The following MAF variants were observed in gnomAD, a reference collection of about 807,000 sequenced individuals.
The protein encoded by MAF is MAF bZIP transcription factor, also known as transcription factor Maf.
In MAF, 10 loss-of-function variants were observed where a neutral mutation model predicts 22.0. The ratio of observed to expected loss-of-function variants is 0.45; its 90% CI spans 0.28 to 0.77. The LOEUF is 0.77. Ranked by LOEUF, MAF falls within the 30% of genes least tolerant of loss-of-function variation. The pLI, the probability that MAF is intolerant of heterozygous loss-of-function variation, is 0.12. For missense variants in MAF, 544 were observed against 548.4 expected (o/e 0.99, Z 0.08); for synonymous variants, 337 against 255.8 (o/e 1.32, Z -3.03).
the MAF span, among the ~76,000 whole-genome samples, chr16:79,286,553 T>A: frequency 6.6e-6 from 1 of 152,244 alleles, no homozygotes; most frequent in Non-Finnish European, 1.5e-5. Context: ...CACGTGTATA[T>A]GTGCATGCAC....
At chr16:79,461,526 T>C in the MAF span, among the ~76,000 whole-genome samples, 1 of 152,068 alleles carries the variant, frequency 6.6e-6, no homozygotes, top group Non-Finnish European at 1.5e-5. Flanking sequence ...CCAAAAAGGC[T>C]CTTTGTCATC....
chr16:79,485,129 A>G, the MAF span, among the ~76,000 whole-genome samples: 13,379 of 152,270 alleles, frequency 0.088, 588 homozygotes, highest in East Asian at 0.17. Flanking sequence ...ACCAGATAAA[A>G]GCCAGTTTCC....
At chr16:79,492,411 A>T in the MAF span, among the ~76,000 whole-genome samples, 1 of 151,924 alleles carries the variant, frequency 6.6e-6, no homozygotes, top group South Asian at 2.1e-4. Flanking sequence ...ACCGGATCTG[A>T]CCCTGTATTT....
the MAF span, among the ~76,000 whole-genome samples, chr16:79,414,154 T>C: frequency 1.3e-3 from 196 of 152,336 alleles, no homozygotes; most frequent in African/African-American, 4.6e-3. Flanking sequence ...GCTCTTGTTC[T>C]TTGCCAGACA....
the MAF span, among the ~76,000 whole-genome samples, chr16:79,534,459 C>T: frequency 6.6e-6 from 1 of 152,130 alleles, no homozygotes; most frequent in South Asian, 2.1e-4. Flanking sequence ...TAAGCACTCA[C>T]ATACAGGTGA....
At chr16:79,372,934 GC>G in the MAF span, among the ~76,000 whole-genome samples, 1 of 152,072 alleles carries the variant, frequency 6.6e-6, no homozygotes, top group South Asian at 2.1e-4. Flanking sequence ...CCCTCTTAAT[GC>G]CCTTTGTTAT....
the MAF span, among the ~76,000 whole-genome samples, chr16:79,393,821 T>G: frequency 1.3e-5 from 2 of 152,174 alleles, no homozygotes; most frequent in African/African-American, 2.4e-5. Context: ...AGCTGATGAA[T>G]GCTGGGCCAA....
chr16:79,572,542 C>T, the MAF span, among the ~76,000 whole-genome samples: 3 of 152,206 alleles, frequency 2.0e-5, no homozygotes, highest in Non-Finnish European at 4.4e-5. Context: ...GGAGGAGGGG[C>T]TACCTGGACG....
chr16:79,466,849 C>T, the MAF span, among the ~76,000 whole-genome samples: 2 of 152,168 alleles, frequency 1.3e-5, no homozygotes, highest in Non-Finnish European at 2.9e-5. Flanking sequence ...CCCGCGACAC[C>T]AAAGTGATAG....
chr16:79,226,039 A>T, the MAF span, among the ~76,000 whole-genome samples: 3 of 152,208 alleles, frequency 2.0e-5, no homozygotes, highest in Non-Finnish European at 4.4e-5. Context: ...GTATATACCC[A>T]AAGGATTATA....
the MAF span, among the ~76,000 whole-genome samples, chr16:79,508,830 G>A: frequency 6.6e-6 from 1 of 152,294 alleles, no homozygotes; most frequent in East Asian, 1.9e-4. Flanking sequence ...CATAGAGACA[G>A]ACAGTAGATT....
chr16:79,514,353 T>A, the MAF span, among the ~76,000 whole-genome samples: 114,400 of 152,148 alleles, frequency 0.75, 45,428 homozygotes, highest in East Asian at 0.92. Context: ...GGGGGAGTGG[T>A]TTACAGGTAT....
At chr16:79,535,695 T>A in the MAF span, among the ~76,000 whole-genome samples, 13 of 150,972 alleles carry the variant, frequency 8.6e-5, no homozygotes, top group Admixed American at 5.3e-4. Flanking sequence ...TTCAAGCAGT[T>A]CTCCTGAGTA....
the MAF span, among the ~76,000 whole-genome samples, chr16:79,438,068 G>A: frequency 5.3e-5 from 8 of 152,158 alleles, no homozygotes; most frequent in Non-Finnish European, 1.2e-4. Flanking sequence ...TCTTAGAGAC[G>A]CCAGGTCTGA....
chr16:79,233,053 G>C, the MAF span, among the ~76,000 whole-genome samples: 2 of 151,744 alleles, frequency 1.3e-5, no homozygotes, highest in African/African-American at 4.8e-5. Context: ...TGTTAGCCAG[G>C]ATGGTCTCGA....
At chr16:79,559,544 T>C in the MAF span, among the ~76,000 whole-genome samples, 6 of 152,266 alleles carry the variant, frequency 3.9e-5, no homozygotes, top group African/African-American at 9.6e-5. Flanking sequence ...TATTAGGTGA[T>C]TGAAAAGCTT....
the MAF span, among the ~76,000 whole-genome samples, chr16:79,402,527 G>C: frequency 6.6e-6 from 1 of 152,244 alleles, no homozygotes; most frequent in Non-Finnish European, 1.5e-5. Context: ...GGGTGTGACG[G>C]GGGAGAGGTG....
In MAF at chr16:79,599,404, C is replaced by T. The variant is rs2143810370; in HGVS notation, c.499G>A (p.Val167Met). Reference sequence around the variant, plus strand: ...CTCTGCGCGGCGGCCGCGGCGATCACGGCGGACACCACGGCGGCGGCGGGG... The same window carrying T: ...CTCTGCGCGGCGGCCGCGGCGATCATGGCGGACACCACGGCGGCGGCGGGG... ...MGPAAAVVSA[V>M]IAAAAAQSGA... Residue 167 changes from valine (V) to methionine (M), a missense_variant, in exon 1 of 2, where the codon GTG becomes ATG. Physicochemically the swap from Val to Met is conservative, Grantham distance 21. Coordinates refer to ENST00000326043, the MANE Select transcript of MAF (RefSeq NM_005360.5). 1 of 1,121,034 alleles carries T rather than the reference C, an allele frequency of 8.9e-7. No individual in the cohort carries two copies. The highest frequency in any genetic ancestry group is 1.1e-6 in the Non-Finnish European group (1 of 918,800). The allele number at this position is 1,121,034 out of a possible 1,614,324, so 69.4% of individuals were successfully genotyped here.
chr16:79,525,898 C>T, the MAF span, among the ~76,000 whole-genome samples: 14 of 152,290 alleles, frequency 9.2e-5, no homozygotes, highest in Admixed American at 7.8e-4. Context: ...ACTAACATCC[C>T]TGCTCTATAA....
Sources: gnomAD v4.1 joint callset for allele counts (sites outside exome capture counted in the v4.1 genomes callset) on GRCh38, gnomAD v4.1.1 for gene constraint, MANE v1.5 for transcripts, NCBI Gene and HGNC (gene_info 2026-07-23, HGNC 2026-07-21) for gene names.